ANKRD31: variants seen among roughly 807,000 people sequenced by gnomAD.
ANKRD31 encodes ankyrin repeat domain-containing protein 31.
Under a neutral mutation model 186.0 loss-of-function variants are expected in ANKRD31, and 147 were observed. That is an observed-to-expected ratio of 0.79 (90% confidence interval 0.69 to 0.91). ANKRD31 has a LOEUF of 0.91. Ranked by LOEUF, ANKRD31 falls within the 40% of genes least tolerant of loss-of-function variation. The pLI is 0.00. For missense variants in ANKRD31, 1,986 were observed against 2,148.8 expected, an observed-to-expected ratio of 0.92 and a Z score of 1.50; for synonymous variants, 673 against 736.4, an observed-to-expected ratio of 0.91 and a Z score of 1.39.
intron 19 of ANKRD31, among the ~76,000 whole-genome samples, chr5:75,114,599 C>G (rs556688247): frequency 3.9e-5 from 6 of 152,090 alleles, no homozygotes; most frequent in Non-Finnish European, 7.4e-5. Flanking sequence ...CACAAGCATT[C>G]TTATACACCA....
chr5:75,222,667 G>A (rs59628276), intron 2 of ANKRD31, among the ~76,000 whole-genome samples: 23,665 of 151,896 alleles, frequency 0.16, 2,079 homozygotes, highest in African/African-American at 0.24. Context: ...TGTTCTCAAC[G>A]TTCAACTCCT....
chr5:75,212,240 C>T (rs1442161463), intron 3 of ANKRD31, among the ~76,000 whole-genome samples: 2 of 152,020 alleles, frequency 1.3e-5, no homozygotes, highest in Non-Finnish European at 2.9e-5. Context: ...TGATTCTGAA[C>T]AGCCATTCTT....
chr5:75,226,657 T>C (rs567475827), intron 2 of ANKRD31, among the ~76,000 whole-genome samples: 3 of 152,198 alleles, frequency 2.0e-5, no homozygotes, highest in African/African-American at 4.8e-5. Context: ...CAAACAGATA[T>C]ATGAAAAGGT....
intron 23 of ANKRD31, among the ~76,000 whole-genome samples, chr5:75,088,997 G>A (rs1426131993): frequency 6.6e-6 from 1 of 152,126 alleles, no homozygotes; most frequent in Non-Finnish European, 1.5e-5. Context: ...AGAATTGCCT[G>A]GAATGCTTTT....
chr5:75,095,849 T>C (rs1291872330), intron 22 of ANKRD31, among the ~76,000 whole-genome samples: 3 of 152,170 alleles, frequency 2.0e-5, no homozygotes, highest in Admixed American at 1.3e-4. Flanking sequence ...TTCGGGACTA[T>C]CTGTGGTTTC....
At chr5:75,212,941 C>A (rs1359810360) in intron 3 of ANKRD31, among the ~76,000 whole-genome samples, 1 of 152,154 alleles carries the variant, frequency 6.6e-6, no homozygotes, top group Non-Finnish European at 1.5e-5. Flanking sequence ...GAGCTAATGC[C>A]ACTGAATACA....
chr5:75,193,594 G>A lies in ANKRD31; in HGVS notation c.1018-3C>T, dbSNP rs2150246538. On this transcript the variant is annotated splice_region_variant and splice_polypyrimidine_tract_variant and intron_variant, in intron 7 of 25. Coordinates refer to ENST00000506364, the MANE Select transcript of ANKRD31 (RefSeq NM_001372053.1). ...GATGGATTTGGGTCTTGCAGAGTCT[G>A]CAAATACGTAAATACATCCACAAAA... The A allele has an allele frequency of 6.6e-7, 1 of 1,526,482 alleles. No individual in the cohort carries two copies. The highest frequency in any genetic ancestry group is 8.8e-7 in the Non-Finnish European group (1 of 1,141,054). The allele number at this position is 1,526,482 out of a possible 1,614,324, so 94.6% of individuals were successfully genotyped here. A position where few individuals can be genotyped will look rare whatever the true frequency, so the allele number is the denominator to read the frequency against.
intron 3 of ANKRD31, among the ~76,000 whole-genome samples, chr5:75,219,196 A>C (rs1757141889): frequency 6.6e-6 from 1 of 152,198 alleles, no homozygotes; most frequent in African/African-American, 2.4e-5. Flanking sequence ...AGGAAGTCAA[A>C]CTATCCCTGT....
intron 11 of ANKRD31, 21 bp downstream of exon 11, chr5:75,168,957 GC>G: frequency 4.6e-6 from 7 of 1,509,778 alleles, no homozygotes; most frequent in Non-Finnish European, 6.2e-6. Context: ...TATTTGTTCT[GC>G]AAATAAAAGC....
intron 17 of ANKRD31, among the ~76,000 whole-genome samples, chr5:75,128,028 G>A (rs1323368985): frequency 6.6e-6 from 1 of 152,138 alleles, no homozygotes; most frequent in African/African-American, 2.4e-5. Context: ...TGAAATAGAA[G>A]CAGTTTTTCA....
intron 5 of ANKRD31, among the ~76,000 whole-genome samples, chr5:75,205,451 A>C (rs1397885753): frequency 6.6e-6 from 1 of 152,190 alleles, no homozygotes; most frequent in Non-Finnish European, 1.5e-5. Context: ...GTTCAGGCTC[A>C]TCCTGATATT....
chr5:75,187,864 A>G (rs993377950), intron 10 of ANKRD31, among the ~76,000 whole-genome samples: 1 of 152,144 alleles, frequency 6.6e-6, no homozygotes, highest in African/African-American at 2.4e-5. Context: ...CATGAAAAGT[A>G]TGGACACCCA....
chr5:75,131,129 C>A (rs1222491367), intron 17 of ANKRD31, among the ~76,000 whole-genome samples: 1 of 152,168 alleles, frequency 6.6e-6, no homozygotes, highest in African/African-American at 2.4e-5. Context: ...GTGAGCACCA[C>A]ACGCAGCCCC....
chr5:75,111,223 G>T (rs1257748684), intron 20 of ANKRD31, among the ~76,000 whole-genome samples: 1 of 151,748 alleles, frequency 6.6e-6, no homozygotes, highest in African/African-American at 2.4e-5. Context: ...ATGTGGGGAG[G>T]GGGGCCTGGA....
chr5:75,119,323 G>T (rs1171651004), intron 17 of ANKRD31, among the ~76,000 whole-genome samples: 2 of 152,112 alleles, frequency 1.3e-5, no homozygotes, highest in African/African-American at 4.8e-5. Context: ...CCAATGTTTA[G>T]CTTGCACTTA....
intron 23 of ANKRD31, among the ~76,000 whole-genome samples, chr5:75,085,975 G>A (rs181822529): frequency 6.6e-6 from 1 of 152,120 alleles, no homozygotes; most frequent in Non-Finnish European, 1.5e-5. Flanking sequence ...AACAGACCTG[G>A]CCTACTCAAT....
chr5:75,091,145 T>C, intron 23 of ANKRD31, 116 bp downstream of exon 23: 2 of 1,184,798 alleles, frequency 1.7e-6, no homozygotes, highest in Non-Finnish European at 1.2e-6. Flanking sequence ...AATGAACACA[T>C]GAATACAAAA....
chr5:75,080,990 T>G (rs528663689), intron 24 of ANKRD31, among the ~76,000 whole-genome samples: 3 of 152,294 alleles, frequency 2.0e-5, no homozygotes, highest in Non-Finnish European at 4.4e-5. Context: ...TATTTCGATA[T>G]GCAGAAGAGG....
chr5:75,169,857 T>C (rs1367786383), intron 10 of ANKRD31, among the ~76,000 whole-genome samples: 2 of 152,164 alleles, frequency 1.3e-5, no homozygotes, highest in Non-Finnish European at 2.9e-5. Flanking sequence ...CCAGCATCCC[T>C]GGCCTCAACC....
Sources: gnomAD v4.1 joint callset for allele counts (sites outside exome capture counted in the v4.1 genomes callset) on GRCh38, gnomAD v4.1.1 for gene constraint, MANE v1.5 for transcripts, NCBI Gene and HGNC (gene_info 2026-07-23, HGNC 2026-07-21) for gene names.